RPS13: variants seen among roughly 807,000 people sequenced by gnomAD.
RPS13 encodes ribosomal protein S13.
A neutral mutation model predicts 24.6 loss-of-function variants in RPS13; 1 was observed. That is an observed-to-expected ratio of 0.04 (90% CI 0.01 to 0.19). The LOEUF (loss-of-function observed/expected upper bound fraction) is 0.19, where lower values mean the gene tolerates loss of function less well. RPS13 is among the 10% of genes least tolerant of loss of function. The pLI, the probability that RPS13 is intolerant of heterozygous loss-of-function variation, is 1.00. For missense variants in RPS13, 88 were observed against 187.4 expected (o/e 0.47, Z 3.10); for synonymous variants, 69 against 65.3 (o/e 1.06, Z -0.27).
intron 3 of RPS13, chr11:17,076,629 C>A: frequency 2.7e-6 from 1 of 375,750 alleles, no homozygotes; most frequent in Non-Finnish European, 5.1e-6. Context: ...CTCACTGCAG[C>A]CTGGGACTTC....
intron 3 of RPS13, chr11:17,075,980 C>A (rs865807297): frequency 5.3e-6 from 2 of 374,022 alleles, no homozygotes; most frequent in Middle Eastern, 7.5e-4. Flanking sequence ...TTCTTTTAAA[C>A]CTCTAATGAG....
intron 3 of RPS13, chr11:17,076,680 T>C (rs901708003): frequency 3.0e-6 from 1 of 329,916 alleles, no homozygotes; most frequent in South Asian, 2.3e-5. Flanking sequence ...CCCAAGTATC[T>C]GGGACTACAG....
At chr11:17,075,968 ATTTC>A (rs1848019787) in intron 3 of RPS13, 1 of 387,518 alleles carries the variant, frequency 2.6e-6, no homozygotes, top group Non-Finnish European at 5.0e-6. Flanking sequence ...TTTACACGTT[ATTTC>A]TTTTAAACCT....
intron 1 of RPS13, 40 bp downstream of exon 1, chr11:17,077,579 A>ACCCCCCCCCCC: frequency 2.1e-6 from 1 of 487,338 alleles, no homozygotes; most frequent in South Asian, 1.6e-5. Context: ...TCTTCCTCCC[A>ACCCCCCCCCCC]CCCCCCGCCC....
chr11:17,076,110 A>C (rs1848022056), intron 3 of RPS13: 1 of 264,318 alleles, frequency 3.8e-6, no homozygotes, highest in Non-Finnish European at 7.6e-6. Context: ...AGGTGGGATC[A>C]GGTGGTGTGG....
chr11:17,074,716 G>GA, intron 5 of RPS13: 1 of 687,240 alleles, frequency 1.5e-6, no homozygotes, highest in Non-Finnish European at 2.7e-6. Context: ...TGGAAACTGC[G>GA]AATGTCTGGC....
At chr11:17,077,561 A>T (rs1590881448) in intron 1 of RPS13, 58 bp downstream of exon 1, 2 of 1,562,980 alleles carry the variant, frequency 1.3e-6, no homozygotes, top group Admixed American at 3.4e-5. Flanking sequence ...CGCTGCCCAC[A>T]CTCCCTGTCT....
chr11:17,077,376 G>T, intron 2 of RPS13, 53 bp downstream of exon 2: 1 of 1,594,276 alleles, frequency 6.3e-7, no homozygotes, highest in Non-Finnish European at 8.6e-7. Flanking sequence ...CTTCACCCGA[G>T]ACAAATGCCA....
At chr11:17,075,700 C>A in intron 3 of RPS13, 77 bp from the exon 4 acceptor site, 1 of 1,180,514 alleles carries the variant, frequency 8.5e-7, no homozygotes, top group Non-Finnish European at 1.2e-6. Flanking sequence ...GCTCAGAAAT[C>A]AGGGCATAGT....
intron 4 of RPS13, 57 bp downstream of exon 4, chr11:17,075,397 C>A: frequency 7.3e-7 from 1 of 1,367,524 alleles, no homozygotes; most frequent in South Asian, 1.4e-5. Context: ...TACATTTTAC[C>A]GAAAAAATTT....
At chr11:17,074,559 C>A in intron 5 of RPS13, 93 bp from the exon 6 acceptor site, 1 of 971,352 alleles carries the variant, frequency 1.0e-6, no homozygotes, top group Non-Finnish European at 1.6e-6. Flanking sequence ...TGGTGCTATT[C>A]TCAAACAGTT....
intron 3 of RPS13, chr11:17,076,073 AT>A: frequency 3.6e-6 from 1 of 279,152 alleles, no homozygotes; most frequent in Non-Finnish European, 7.2e-6. Context: ...GAGTACAGAT[AT>A]TTTGCACCCC....
chr11:17,074,398 A>T lies in RPS13; in HGVS notation c.*35T>A. On this transcript the variant is annotated 3_prime_UTR_variant, in exon 6 of 6. Transcript: ENST00000525634. ...TAAATATGAAACATGCTTTTAGTTA[A>T]ACAATCATTTTATTGCTTGAGTACA... 1 of 1,526,570 alleles carries T rather than the reference A, an allele frequency of 6.6e-7. No individual in the cohort carries two copies. Among genetic ancestry groups the T allele is most frequent in the Non-Finnish European group, 9.1e-7 (1 of 1,101,120 alleles). 94.6% of individuals were successfully genotyped at this position (1,526,570 alleles called of 1,614,324 possible).
chr11:17,077,391 C>CCTCCCCGGATT, intron 2 of RPS13, 38 bp downstream of exon 2: 1 of 1,598,414 alleles, frequency 6.3e-7, no homozygotes, highest in Non-Finnish European at 8.6e-7. Flanking sequence ...ATGCCAACCC[C>CCTCCCCGGATT]CTCCCCGGAT....
At position 17,075,078 on chromosome 11, in the gene RPS13, C is replaced by A; in HGVS notation, c.422+19G>T. 1 of 1,532,464 alleles carries A rather than the reference C, an allele frequency of 6.5e-7. No homozygotes were observed. Among genetic ancestry groups the A allele is most frequent in the Admixed American group, 1.8e-5 (1 of 54,422 alleles). The allele number at this position is 1,532,464 out of a possible 1,614,324, so 94.9% of individuals were successfully genotyped here. ...TGACTCCTATTCTTGATAACAACGACAAAAGAGTTGATACTTACTATTTCC... is the reference window on the plus strand; with the variant it reads ...TGACTCCTATTCTTGATAACAACGAAAAAAGAGTTGATACTTACTATTTCC... On this transcript the variant is annotated intron_variant, in intron 5 of 5. Transcript: ENST00000525634.
intron 3 of RPS13, chr11:17,075,957 C>G (rs1482714780): frequency 2.4e-6 from 1 of 409,372 alleles, no homozygotes; most frequent in African/African-American, 2.1e-5. Flanking sequence ...CTTCTAAAAA[C>G]TTTACACGTT....
At chr11:17,074,745 G>C in intron 5 of RPS13, 1 of 673,832 alleles carries the variant, frequency 1.5e-6, no homozygotes, top group East Asian at 2.9e-5. Flanking sequence ...ATCATAGTGA[G>C]CAATTCATGT....
intron 3 of RPS13, chr11:17,076,828 C>G: frequency 5.0e-6 from 2 of 403,600 alleles, no homozygotes; most frequent in Non-Finnish European, 9.2e-6. Flanking sequence ...AGCTGAGATT[C>G]AAACCACACC....
At chr11:17,076,644 C>T in intron 3 of RPS13, 1 of 364,698 alleles carries the variant, frequency 2.7e-6, no homozygotes, top group Non-Finnish European at 5.3e-6. Context: ...GACTTCTAGG[C>T]TCTGGTGATC....
Sources: allele counts gnomAD v4.1 joint callset, GRCh38; gene constraint gnomAD v4.1.1; transcripts MANE v1.5; gene names NCBI Gene and HGNC (gene_info 2026-07-23, HGNC 2026-07-21).